RASAL2: variants seen among roughly 807,000 people sequenced by gnomAD.
RASAL2 encodes RAS protein activator like 2, also known as ras GTPase-activating protein nGAP.
RASAL2 carries 58 observed loss-of-function variants against 128.9 expected under a neutral mutation model. That is an observed-to-expected ratio of 0.45 (90% CI 0.36 to 0.56). The LOEUF (loss-of-function observed/expected upper bound fraction) is 0.56, where lower values mean the gene tolerates loss of function less well. RASAL2 is among the 20% of genes least tolerant of loss of function. The probability of loss-of-function intolerance (pLI) is 0.00; values close to 1 mark genes in which losing one functional copy is unlikely to be tolerated. For missense variants in RASAL2, 1,360 were observed against 1,601.6 expected (o/e 0.85, Z 2.57); for synonymous variants, 561 against 580.8 (o/e 0.97, Z 0.49).
Position 178,275,900 on chromosome 1 carries a change from G to A in RASAL2, c.203-7664G>A, listed in dbSNP as rs550672498. The stretch of plus-strand genomic sequence containing the variant: ...GAAATTAAGCCTTTGTAGTTGACAA[G>A]GAAACTAAAGTGGTTAGCTAAGGTT... On this transcript the variant is annotated intron_variant, in intron 1 of 17. Coordinates refer to ENST00000367649, the MANE Select transcript of RASAL2 (RefSeq NM_170692.4). Among the ~76,000 whole-genome samples the A allele has an allele frequency of 4.6e-5, 7 of 152,286 alleles. No individual in the cohort carries two copies. The South Asian group carries it at 1.4e-3, about 32-fold the overall frequency.
intron 5 of RASAL2, among the ~76,000 whole-genome samples, chr1:178,422,144 A>G (rs1675190867): frequency 6.6e-6 from 1 of 151,820 alleles, no homozygotes; most frequent in Non-Finnish European, 1.5e-5. Context: ...TAAAGTTTAC[A>G]TTATTTTTTA....
At chr1:178,199,054 A>C (rs1662773434) in intron 1 of RASAL2, among the ~76,000 whole-genome samples, 2 of 152,176 alleles carry the variant, frequency 1.3e-5, no homozygotes, top group South Asian at 4.1e-4. Context: ...GCTGCCCTGC[A>C]GTTCGATCTG....
intron 4 of RASAL2, among the ~76,000 whole-genome samples, chr1:178,414,346 A>T (rs948678397): frequency 2.0e-5 from 3 of 152,198 alleles, no homozygotes; most frequent in African/African-American, 7.2e-5. Flanking sequence ...GAGGATTTTG[A>T]GTAGTAAATA....
chr1:178,464,209 T>C lies in RASAL2; in HGVS notation c.3253-69T>C, dbSNP rs192609810. ...GATCACAGTTAATGTCTTCCAAGAATAGCTGTTTGTGAAACATAGCACACG... is the reference window on the plus strand; with the variant it reads ...GATCACAGTTAATGTCTTCCAAGAACAGCTGTTTGTGAAACATAGCACACG... On this transcript the variant is annotated intron_variant, in intron 14 of 17. Transcript: ENST00000367649. 86 of 1,490,548 alleles carry C rather than the reference T, an allele frequency of 5.8e-5. No homozygotes were observed. The East Asian group carries it at 1.6e-3, about 28-fold the overall frequency. The allele number at this position is 1,490,548 out of a possible 1,614,324, so 92.3% of individuals were successfully genotyped here.
chr1:178,210,680 C>G (rs1220687647), intron 1 of RASAL2, among the ~76,000 whole-genome samples: 1 of 152,112 alleles, frequency 6.6e-6, no homozygotes, highest in Non-Finnish European at 1.5e-5. Flanking sequence ...GCCATATTAC[C>G]TTTCTAAAAT....
chr1:178,366,362 A>T (rs1353658642), intron 3 of RASAL2, among the ~76,000 whole-genome samples: 1 of 152,216 alleles, frequency 6.6e-6, no homozygotes, highest in African/African-American at 2.4e-5. Flanking sequence ...GTTTAGGAAA[A>T]GATCATGTAT....
At chr1:178,279,827 A>G (rs1666698469) in intron 1 of RASAL2, among the ~76,000 whole-genome samples, 1 of 152,202 alleles carries the variant, frequency 6.6e-6, no homozygotes, top group Admixed American at 6.5e-5. Context: ...GCAGCTTCCC[A>G]GTAGTACTTG....
intron 13 of RASAL2, 131 bp downstream of exon 13, chr1:178,457,030 A>G (rs1677826119): frequency 1.2e-6 from 1 of 815,922 alleles, no homozygotes; most frequent in Admixed American, 2.8e-5. Context: ...CTGACCTGAG[A>G]GCAGTCCAAT....
chr1:178,258,820 C>T (rs900020596), intron 1 of RASAL2, among the ~76,000 whole-genome samples: 7 of 152,042 alleles, frequency 4.6e-5, no homozygotes, highest in South Asian at 2.1e-4. Flanking sequence ...TGTTTATAGC[C>T]GCATTATTCA....
At chr1:178,441,760 CACATT>C in intron 7 of RASAL2, 113 bp downstream of exon 7, 1 of 747,380 alleles carries the variant, frequency 1.3e-6, no homozygotes, top group Non-Finnish European at 2.2e-6. Context: ...AGTTTTAAAG[CACATT>C]TATATGTTAT....
intron 1 of RASAL2, among the ~76,000 whole-genome samples, chr1:178,114,347 T>C (rs190289846): frequency 7.1e-4 from 108 of 152,260 alleles, no homozygotes; most frequent in African/African-American, 2.5e-3. Context: ...AATACAGATC[T>C]CCTTTATTAG....
chr1:178,232,964 C>T (rs1571670609), intron 1 of RASAL2, among the ~76,000 whole-genome samples: 2 of 152,108 alleles, frequency 1.3e-5, no homozygotes, highest in South Asian at 2.1e-4. Flanking sequence ...AATCATTTCC[C>T]GAAAGCCTAT....
chr1:178,181,238 A>G (rs957870134), intron 1 of RASAL2, among the ~76,000 whole-genome samples: 3 of 152,132 alleles, frequency 2.0e-5, no homozygotes, highest in Admixed American at 6.5e-5. Context: ...CAGAGTTCCC[A>G]TATGCTTCAC....
chr1:178,116,126 A>G lies in RASAL2; in HGVS notation c.202+21432A>G, dbSNP rs1571495934. On this transcript the variant is annotated intron_variant, in intron 1 of 17. Transcript: ENST00000367649. ...CTTCTTCCTTGGAGTCTTTCTTGAT[A>G]TCTCTTTGCTTGCTTTTCCCTCCTG... Among the ~76,000 whole-genome samples, 4 of 152,164 alleles carry G rather than the reference A, an allele frequency of 2.6e-5. No individual in the cohort carries two copies. In the East Asian group the frequency reaches 7.7e-4, roughly 29 times the overall value.
chr1:178,109,286 A>G (rs908580605), intron 1 of RASAL2, among the ~76,000 whole-genome samples: 25 of 151,970 alleles, frequency 1.6e-4, no homozygotes, highest in African/African-American at 5.8e-4. Flanking sequence ...TTTTTTTCCT[A>G]GATGAGGGTC....
At position 178,107,198 on chromosome 1, in the gene RASAL2, C is replaced by T. The variant is rs79745965; in HGVS notation, c.202+12504C>T. Among the ~76,000 whole-genome samples, 660 of 152,156 alleles carry T rather than the reference C, an allele frequency of 4.3e-3. 15 individuals carry two copies. Among genetic ancestry groups the T allele is most frequent in the African/African-American group, 0.015 (634 of 41,530 alleles). On this transcript the variant is annotated intron_variant, in intron 1 of 17. Transcript: ENST00000367649. ...ATGTGAGATGATTACTATTTGACTC[C>T]CAATCCAGTAGTTTCTTTTGAAATA... is the stretch of plus-strand genomic sequence containing the variant.
At chr1:178,404,427 C>T (rs1203252274) in intron 4 of RASAL2, among the ~76,000 whole-genome samples, 3 of 150,660 alleles carry the variant, frequency 2.0e-5, no homozygotes, top group Non-Finnish European at 4.4e-5. Context: ...TGTCGCCAGG[C>T]TAGAGCGTAG....
intron 3 of RASAL2, among the ~76,000 whole-genome samples, chr1:178,302,634 T>C (rs946135951): frequency 1.2e-4 from 19 of 152,194 alleles, no homozygotes; most frequent in Admixed American, 1.2e-3. Context: ...CATACACGTA[T>C]ACAAATTGGC....
intron 4 of RASAL2, among the ~76,000 whole-genome samples, chr1:178,390,917 G>A (rs1672867376): frequency 6.6e-6 from 1 of 151,688 alleles, no homozygotes; most frequent in South Asian, 2.1e-4. Flanking sequence ...TTTCAGAGCT[G>A]GAACATAAGC....
Sources: gnomAD v4.1 joint callset for allele counts (sites outside exome capture counted in the v4.1 genomes callset) on GRCh38, gnomAD v4.1.1 for gene constraint, MANE v1.5 for transcripts, NCBI Gene and HGNC (gene_info 2026-07-23, HGNC 2026-07-21) for gene names.